The following YY1 variants were observed in gnomAD, a reference collection of about 807,000 sequenced individuals.
The protein encoded by YY1 is YY1 transcription factor.
Under a neutral mutation model 35.6 loss-of-function variants are expected in YY1, and 2 were observed. The ratio of observed to expected loss-of-function variants is 0.06; its 90% confidence interval spans 0.02 to 0.18. The LOEUF is 0.18. YY1 is among the 10% of genes least tolerant of loss of function. The pLI is 1.00. For synonymous variants in YY1, 268 were observed against 238.9 expected (o/e 1.12, Z -1.12); for missense variants, 322 against 573.4 (o/e 0.56, Z 4.48).
At chr14:100,271,268 A>C (rs1891235268) in intron 2 of YY1, among the ~76,000 whole-genome samples, 1 of 152,174 alleles carries the variant, frequency 6.6e-6, no homozygotes, top group African/African-American at 2.4e-5. Context: ...AAATTAATTA[A>C]ATTAAATTAA....
chr14:100,262,251 TAGTTTTTA>T lies in YY1; in HGVS notation c.680-51_680-44del. ...AAGTTACTGGTGAAAGCAGTTTTTG[TAGTTTTTA>T]AAATCTATTTACTCAGCTAAAGATA... On this transcript the variant is annotated intron_variant, in intron 1 of 4. Transcript: ENST00000262238. 3 of 1,602,954 alleles carry T rather than the reference TAGTTTTTA, an allele frequency of 1.9e-6. No individual in the cohort carries two copies. The South Asian group carries it at 3.3e-5, about 18-fold the overall frequency.
At position 100,280,699 on chromosome 14, in the gene YY1, C is replaced by G. The variant is rs1891405877; in HGVS notation, c.*3099C>G. ...TTTCACAGGATAGTGTGCGCAATAC[C>G]TGTCCGTGTTTCCAAGCAGAGTTCA... On this transcript the variant is annotated 3_prime_UTR_variant, in exon 5 of 5. Coordinates refer to ENST00000262238, the MANE Select transcript of YY1 (RefSeq NM_003403.5). The G allele has an allele frequency of 1.3e-5, 2 of 151,974 alleles. No homozygotes were observed. 9.4% of individuals were successfully genotyped at this position (151,974 alleles called of 1,614,324 possible). A position where few individuals can be genotyped will look rare whatever the true frequency, so the allele number is the denominator to read the frequency against.
rs1017994969 is a variant in YY1, at chr14:100,281,105, ACCCACCTCCC to A, written c.*3512_*3521del. On this transcript the variant is annotated 3_prime_UTR_variant, in exon 5 of 5. Coordinates refer to ENST00000262238, the MANE Select transcript of YY1 (RefSeq NM_003403.5). ...AAAAAAAAGGAAACCTGACAATTCT[ACCCACCTCCC>A]CCCACCCCCGACTATAGGCAAAGAG... The A allele has an allele frequency of 8.5e-5, 12 of 141,822 alleles. No individual in the cohort carries two copies. The highest frequency in any genetic ancestry group is 2.9e-4 in the African/African-American group (11 of 38,280). 8.8% of individuals were successfully genotyped at this position (141,822 alleles called of 1,614,324 possible). A position where few individuals can be genotyped will look rare whatever the true frequency, so the allele number is the denominator to read the frequency against.
At chr14:100,269,349 T>G (rs1891200713) in intron 2 of YY1, among the ~76,000 whole-genome samples, 1 of 152,138 alleles carries the variant, frequency 6.6e-6, no homozygotes, top group Admixed American at 6.5e-5. Context: ...AAGTTACAGT[T>G]TGCTCAAGGT....
intron 1 of YY1, among the ~76,000 whole-genome samples, chr14:100,260,520 T>C (rs1350171695): frequency 6.7e-6 from 1 of 149,920 alleles, no homozygotes; most frequent in Non-Finnish European, 1.5e-5. Flanking sequence ...TCACCCAGGC[T>C]GGAGTACAGT....
chr14:100,279,320 T>G lies in YY1; in HGVS notation c.*1720T>G, dbSNP rs1212490631. Reference sequence around the variant, plus strand: ...TATTTACAAATGGCCAGGGACCCCATCAGGTGAAACACATAGCCCATTGTC... The same window carrying G: ...TATTTACAAATGGCCAGGGACCCCAGCAGGTGAAACACATAGCCCATTGTC... On this transcript the variant is annotated 3_prime_UTR_variant, in exon 5 of 5. Transcript: ENST00000262238. 1.3e-5 allele frequency: 2 copies of G among 152,234 alleles called. No homozygotes were observed. The highest frequency in any genetic ancestry group is 4.8e-5 in the African/African-American group (2 of 41,454). 9.4% of individuals were successfully genotyped at this position (152,234 alleles called of 1,614,324 possible). A position where few individuals can be genotyped will look rare whatever the true frequency, so the allele number is the denominator to read the frequency against.
rs1891323949 is a variant in YY1, at chr14:100,276,705, G to A, written c.1062+57G>A. 6.2e-7 allele frequency: 1 copy of A among 1,612,264 alleles called. No individual in the cohort carries two copies. The highest frequency in any genetic ancestry group is 1.7e-4 in the Middle Eastern group (1 of 5,920). On this transcript the variant is annotated intron_variant, in intron 4 of 4. Coordinates refer to ENST00000262238, the MANE Select transcript of YY1 (RefSeq NM_003403.5). The surrounding 1 kb of genome is among the most constrained non-coding windows in gnomAD (Gnocchi z 4.1). ...CCTTGCCTGTCTGAACACTGCAAGT[G>A]TAGGTGGTGTGGTGATGAGGCAGGA...
chr14:100,261,788 G>T (rs971528591), intron 1 of YY1, among the ~76,000 whole-genome samples: 2 of 152,202 alleles, frequency 1.3e-5, no homozygotes, highest in Non-Finnish European at 2.9e-5. Flanking sequence ...TGAAGGCTAT[G>T]AAATCAGATT....
chr14:100,249,409 C>G (rs966964790), intron 1 of YY1, among the ~76,000 whole-genome samples: 2 of 151,892 alleles, frequency 1.3e-5, no homozygotes. Context: ...CGTGAGACAC[C>G]GTGCCTGGCT....
intron 1 of YY1, among the ~76,000 whole-genome samples, chr14:100,246,299 T>G (rs1890832708): frequency 6.6e-6 from 1 of 152,220 alleles, no homozygotes; most frequent in African/African-American, 2.4e-5. Flanking sequence ...TCCCCCCCAT[T>G]CTGTCCCGTG....
intron 1 of YY1, among the ~76,000 whole-genome samples, chr14:100,248,933 C>T (rs920185716): frequency 1.3e-5 from 2 of 151,666 alleles, no homozygotes; most frequent in Non-Finnish European, 2.9e-5. Flanking sequence ...ATGATCGGCC[C>T]GCCTTGGTCT....
Position 100,256,757 on chromosome 14 carries a change from A to G in YY1, c.680-5547A>G, listed in dbSNP as rs140843637. ...GGAATGAAGAAAATATTTTGGGTAT[A>G]GATAGTGGTGATGGTTACACATTCT... On this transcript the variant is annotated intron_variant, in intron 1 of 4. Coordinates refer to ENST00000262238, the MANE Select transcript of YY1 (RefSeq NM_003403.5). 2.8e-3 allele frequency among the ~76,000 whole-genome samples: 425 copies of G among 152,296 alleles called. 1 individual carries two copies. The highest frequency in any genetic ancestry group is 4.1e-3 in the Non-Finnish European group (278 of 68,024).
chr14:100,270,475 T>A (rs796485255), intron 2 of YY1, among the ~76,000 whole-genome samples: 85 of 104,368 alleles, frequency 8.1e-4, no homozygotes, highest in African/African-American at 1.7e-3. Flanking sequence ...AAAAAAAAAA[T>A]AGCCAGGCAT....
chr14:100,244,336 T>G (rs1890798128), intron 1 of YY1, among the ~76,000 whole-genome samples: 1 of 143,756 alleles, frequency 7.0e-6, no homozygotes, highest in Non-Finnish European at 1.5e-5. Context: ...TTTTTTTTTT[T>G]TTTTTTTGAG....
In YY1 at chr14:100,276,750, A is replaced by G. The variant is rs995038406; in HGVS notation, c.1062+102A>G. ...GCAGGAGGCGCCAGCCCAGAGACTC[A>G]GGGTCTTATTACTCCTTGGTGAGAA... On this transcript the variant is annotated intron_variant, in intron 4 of 4. Transcript: ENST00000262238. This position sits in a 1 kb window ranked among gnomAD's most constrained non-coding sequence, Gnocchi z 4.1. 2 of 1,562,988 alleles carry G rather than the reference A, an allele frequency of 1.3e-6. No homozygotes were observed. Among genetic ancestry groups the G allele is most frequent in the Non-Finnish European group, 1.7e-6 (2 of 1,144,164 alleles).
rs572349944 is a variant in YY1, at chr14:100,278,533, T to A, written c.*933T>A. On this transcript the variant is annotated 3_prime_UTR_variant, in exon 5 of 5. Transcript: ENST00000262238. Reference sequence around the variant, plus strand: ...TTTCTTTTGTTGTCCAGAATACTTATAATTCTTGAGCCTCCCAGAAATTGG... The same window carrying A: ...TTTCTTTTGTTGTCCAGAATACTTAAAATTCTTGAGCCTCCCAGAAATTGG... 6.6e-6 allele frequency: 1 copy of A among 152,392 alleles called. No individual in the cohort carries two copies. Among genetic ancestry groups the A allele is most frequent in the Non-Finnish European group, 1.5e-5 (1 of 68,038 alleles). 9.4% of individuals were successfully genotyped at this position (152,392 alleles called of 1,614,324 possible).
intron 2 of YY1, among the ~76,000 whole-genome samples, chr14:100,272,820 A>G (rs1011195745): frequency 4.6e-5 from 7 of 152,040 alleles, no homozygotes; most frequent in African/African-American, 1.7e-4. Context: ...TTTCCCTACT[A>G]AGTCCCCAAA....
At chr14:100,243,977 G>A (rs574989445) in intron 1 of YY1, among the ~76,000 whole-genome samples, 1 of 151,970 alleles carries the variant, frequency 6.6e-6, no homozygotes, top group African/African-American at 2.4e-5. Flanking sequence ...GCGCTGTGGC[G>A]GGTGCCTGTA....
At chr14:100,240,181 C>T (rs1396593441) in intron 1 of YY1, among the ~76,000 whole-genome samples, 1 of 144,518 alleles carries the variant, frequency 6.9e-6, no homozygotes, top group African/African-American at 2.5e-5. Flanking sequence ...GAGGGGGAAG[C>T]GCCGCGCGGG....
Sources: gnomAD v4.1 joint callset for allele counts (sites outside exome capture counted in the v4.1 genomes callset) on GRCh38, gnomAD v4.1.1 for gene constraint, Gnocchi (gnomAD v3.1) non-coding constraint, MANE v1.5 for transcripts, NCBI Gene and HGNC (gene_info 2026-07-23, HGNC 2026-07-21) for gene names.